The following LPIN3 variants were observed in gnomAD, a reference collection of about 807,000 sequenced individuals.
LPIN3 encodes the protein phosphatidate phosphatase LPIN3.
A neutral mutation model predicts 94.7 loss-of-function variants in LPIN3; 82 were observed. The ratio of observed to expected loss-of-function variants is 0.87; its 90% CI spans 0.72 to 1.04. LPIN3 has a LOEUF of 1.04. LPIN3 is among the 50% of genes least tolerant of loss of function. The probability of loss-of-function intolerance (pLI) is 0.00; values close to 1 mark genes in which losing one functional copy is unlikely to be tolerated. For synonymous variants in LPIN3, 418 were observed against 443.3 expected (o/e 0.94, Z 0.72); for missense variants, 996 against 1,090.5 (o/e 0.91, Z 1.22).
chr20:41,352,390 G>A (rs927996756), intron 9 of LPIN3, among the ~76,000 whole-genome samples, 170 bp downstream of exon 9: 9 of 152,242 alleles, frequency 5.9e-5, no homozygotes, highest in Admixed American at 2.0e-4. Flanking sequence ...ACCTTCCCAA[G>A]TCCCCATGAA....
At chr20:41,353,040 A>AC (rs1170886569) in intron 11 of LPIN3, among the ~76,000 whole-genome samples, 173 bp downstream of exon 11, 1 of 152,154 alleles carries the variant, frequency 6.6e-6, no homozygotes, top group Non-Finnish European at 1.5e-5. Flanking sequence ...GCCTTGCCTC[A>AC]CCCTTCCCTG....
rs1306110444 is a variant in LPIN3 at position 41,349,119 on chromosome 20, G to A, written c.585G>A (p.Leu195=). The part of the protein sequence containing the change: ...PGVQLEEKSS[L]QPKDIYPYSD... The stretch of plus-strand genomic sequence containing the variant: ...TCCAGTTGGAAGAGAAGTCTTCACT[G>A]CAGCCCAAAGACATCTACCCCTACT... The change falls in exon 5 of 20, where the codon CTG becomes CTA. Residue 195 remains leucine, a synonymous_variant. Coordinates refer to ENST00000373257, the MANE Select transcript of LPIN3 (RefSeq NM_022896.3). 2 of 1,614,178 alleles carry A rather than the reference G, an allele frequency of 1.2e-6. No homozygotes were observed. Among genetic ancestry groups the A allele is most frequent in the Admixed American group, 1.7e-5 (1 of 60,012 alleles).
rs1568998989 is a variant in LPIN3, at chr20:41,350,115, T to G, written c.820T>G (p.Ser274Ala). 7 of 1,611,614 alleles carry G rather than the reference T, an allele frequency of 4.3e-6. No individual in the cohort carries two copies. The highest frequency in any genetic ancestry group is 8.5e-7 in the Non-Finnish European group (1 of 1,179,066). ...VVLEGRAGATSPPRGGPSTPS... is the reference protein window; with the variant it reads ...VVLEGRAGATAPPRGGPSTPS... The stretch of plus-strand genomic sequence containing the variant: ...CCTTGAAGGCAGAGCTGGGGCAACC[T>G]CTCCTCCTCGGGGAGGACCCAGCAC... Residue 274 changes from serine to alanine, a missense_variant, in exon 7 of 20, where the codon TCT becomes GCT. By Grantham distance (99) the Ser-to-Ala change is moderately conservative. Coordinates refer to ENST00000373257, the MANE Select transcript of LPIN3 (RefSeq NM_022896.3).
At chr20:41,343,738 G>A (rs1210877631) in intron 1 of LPIN3, among the ~76,000 whole-genome samples, 1 of 152,240 alleles carries the variant, frequency 6.6e-6, no homozygotes, top group Non-Finnish European at 1.5e-5. Context: ...ATGAAAGGCT[G>A]CAGGAATCAC....
At chr20:41,350,442 T>C in intron 7 of LPIN3, 45 bp downstream of exon 7, 1 of 1,462,020 alleles carries the variant, frequency 6.8e-7, no homozygotes, top group East Asian at 2.4e-5. Context: ...GGCCTCGCTC[T>C]GTCCCCTGGG....
In LPIN3 at chr20:41,356,972, G is replaced by C. The variant is rs140770940; in HGVS notation, c.1804-68G>C. 9 of 1,572,324 alleles carry C rather than the reference G, an allele frequency of 5.7e-6. No homozygotes were observed. In the East Asian group the frequency reaches 1.6e-4, roughly 28 times the overall value. On this transcript the variant is annotated intron_variant, in intron 14 of 19. Transcript: ENST00000373257. ...GCCCGAGGGGATCGGAGGCCACGGC[G>C]TAAGGGGAGAGGTAGGCAGTGCCTG...
intron 1 of LPIN3, among the ~76,000 whole-genome samples, chr20:41,343,932 C>T (rs925025377): frequency 5.3e-5 from 8 of 152,094 alleles, no homozygotes; most frequent in Non-Finnish European, 8.8e-5. Flanking sequence ...TATGGTGGTA[C>T]ATGCCTGTAG....
rs972053091 is a variant in LPIN3 at position 41,354,693 on chromosome 20, C to T, written c.1576C>T (p.Arg526Ter). ...GGAGAAGATGCCCCGGAAGGGTGGG[C>T]GATGGTGGTTTTCCTGGCGACGCAG... is the stretch of plus-strand genomic sequence containing the variant. ...EREKMPRKGGRWWFSWRRRDF... is the reference protein window; with the variant it reads ...EREKMPRKGG The change falls in exon 12 of 20, where the codon CGA (arginine) becomes TGA (stop). Residue 526 changes from arginine (R) to a stop codon, truncating the protein, a stop_gained. Coordinates refer to ENST00000373257, the MANE Select transcript of LPIN3 (RefSeq NM_022896.3). LOFTEE classifies it high-confidence loss of function. 3.1e-5 allele frequency: 49 copies of T among 1,605,906 alleles called. No individual in the cohort carries two copies. The highest frequency in any genetic ancestry group is 4.5e-5 in the South Asian group (4 of 89,582).
chr20:41,354,517 T>C (rs2046137656), intron 11 of LPIN3, 128 bp from the exon 12 acceptor site: 1 of 784,344 alleles, frequency 1.3e-6, no homozygotes, highest in African/African-American at 1.7e-5. Flanking sequence ...GGCCTCCAGA[T>C]GTTGACAGCA....
rs754917621 is a variant in LPIN3 at position 41,350,144 on chromosome 20, C to G, written c.849C>G (p.Pro283=). 2 of 1,613,222 alleles carry G rather than the reference C, an allele frequency of 1.2e-6. No individual in the cohort carries two copies. Among genetic ancestry groups the G allele is most frequent in the East Asian group, 4.5e-5 (2 of 44,862 alleles). The part of the protein sequence containing the change: ...TSPPRGGPST[P]STSVAGGVDP... ...CTCCTCGGGGAGGACCCAGCACTCCCTCTACCTCTGTGGCTGGCGGCGTGG... is the reference window on the plus strand; with the variant it reads ...CTCCTCGGGGAGGACCCAGCACTCCGTCTACCTCTGTGGCTGGCGGCGTGG... The change falls in exon 7 of 20, where the codon CCC becomes CCG. Residue 283 remains proline, a synonymous_variant. Transcript: ENST00000373257.
At chr20:41,353,604 T>C (rs1410897371) in intron 11 of LPIN3, among the ~76,000 whole-genome samples, 2 of 152,170 alleles carry the variant, frequency 1.3e-5, no homozygotes, top group Non-Finnish European at 2.9e-5. Context: ...AATGAGGGTA[T>C]GCCTAGCCTC....
Position 41,352,790 on chromosome 20 carries a change from CT to C in LPIN3, c.1458-7del, listed in dbSNP as rs761595693. 1 of 1,614,190 alleles carries C rather than the reference CT, an allele frequency of 6.2e-7. No individual in the cohort carries two copies. Among genetic ancestry groups the C allele is most frequent in the Admixed American group, 1.7e-5 (1 of 60,032 alleles). On this transcript the variant is annotated splice_region_variant and splice_polypyrimidine_tract_variant and intron_variant, in intron 10 of 19. Transcript: ENST00000373257. The stretch of plus-strand genomic sequence containing the variant: ...GCTGCAGCTTGATGCCCTGTTCTGT[CT>C]CTCTAGGCATTATAACTGGGCTGTG...
Position 41,351,868 on chromosome 20 carries a change from G to A in LPIN3, c.1150G>A (p.Asp384Asn). ...CCTGGGCCCCAGTGACATCTACCTG[G>A]ATGACTTGCCCTCCCTGGACTCTGA... ...QHLGPSDIYLDDLPSLDSENA... is the reference protein window; with the variant it reads ...QHLGPSDIYLNDLPSLDSENA... The change falls in exon 8 of 20, where the codon GAT (aspartate) becomes AAT (asparagine). Residue 384 changes from aspartate to asparagine, a missense_variant. Physicochemically the swap from Asp to Asn is conservative, Grantham distance 23. Transcript: ENST00000373257. 6.2e-7 allele frequency: 1 copy of A among 1,614,178 alleles called. No homozygotes were observed. The highest frequency in any genetic ancestry group is 8.5e-7 in the Non-Finnish European group (1 of 1,180,036).
At chr20:41,341,180 C>T (rs1317494438) in intron 1 of LPIN3, among the ~76,000 whole-genome samples, 178 bp downstream of exon 1, 2 of 152,172 alleles carry the variant, frequency 1.3e-5, no homozygotes, top group Admixed American at 1.3e-4. Context: ...CCTGGCCCAG[C>T]GGCTGCAGGC....
At position 41,349,109 on chromosome 20, in the gene LPIN3, A is replaced by T; in HGVS notation, c.575A>T (p.Lys192Met). The change falls in exon 5 of 20, where the codon AAG becomes ATG. Residue 192 changes from lysine to methionine, a missense_variant. Transcript: ENST00000373257. ...CTTAGCAGTGTCCAGTTGGAAGAGA[A>T]GTCTTCACTGCAGCCCAAAGACATC... ...PEPPGVQLEE[K>M]SSLQPKDIYP... The T allele has an allele frequency of 6.2e-7, 1 of 1,614,194 alleles. No individual in the cohort carries two copies. The highest frequency in any genetic ancestry group is 8.5e-7 in the Non-Finnish European group (1 of 1,180,034).
intron 1 of LPIN3, among the ~76,000 whole-genome samples, chr20:41,342,046 C>T (rs1390358349): frequency 6.6e-6 from 1 of 152,216 alleles, no homozygotes; most frequent in East Asian, 1.9e-4. Context: ...AGAGTATGAC[C>T]TGCAGTGCCC....
intron 2 of LPIN3, 41 bp downstream of exon 2, chr20:41,346,036 G>C (rs771588289): frequency 1.3e-6 from 2 of 1,583,584 alleles, no homozygotes; most frequent in African/African-American, 2.7e-5. Flanking sequence ...TGCAGAGTGG[G>C]CTTTTTAAGC....
intron 1 of LPIN3, 85 bp from the exon 2 acceptor site, chr20:41,345,711 G>A: frequency 7.2e-7 from 1 of 1,384,214 alleles, no homozygotes; most frequent in South Asian, 1.4e-5. Context: ...ATGTAAACTT[G>A]GGGGTCTGTG....
At chr20:41,358,676 G>A (rs543066129) in intron 19 of LPIN3, 46 bp from the exon 20 acceptor site, 17 of 1,608,476 alleles carry the variant, frequency 1.1e-5, no homozygotes, top group South Asian at 7.8e-5. Flanking sequence ...CAAGGCCATC[G>A]TTTGGTGGCA....
Sources: gnomAD v4.1 joint callset for allele counts (sites outside exome capture counted in the v4.1 genomes callset) on GRCh38, gnomAD v4.1.1 for gene constraint, MANE v1.5 for transcripts, NCBI Gene and HGNC (gene_info 2026-07-23, HGNC 2026-07-21) for gene names.